Variants in SCYL2 observed in about 807,000 individuals in gnomAD.
SCYL2 encodes the protein SCY1-like protein 2.
A neutral mutation model predicts 100.4 loss-of-function variants in SCYL2; 36 were observed. The ratio of observed to expected loss-of-function variants is 0.36; its 90% CI spans 0.27 to 0.47. The LOEUF (loss-of-function observed/expected upper bound fraction) is 0.47, where lower values mean the gene tolerates loss of function less well. SCYL2 is among the 20% of genes least tolerant of loss of function. The pLI is 1.00. For synonymous variants in SCYL2, 330 were observed against 359.2 expected, an observed-to-expected ratio of 0.92 and a Z score of 0.92; for missense variants, 902 against 1,083.9, an observed-to-expected ratio of 0.83 and a Z score of 2.36.
Position 100,338,776 on chromosome 12 carries a change from A to C in SCYL2, c.2394A>C (p.Pro798=). ...CAAACCAGAACTTCTACAGTAGTCC[A>C]AGCACAGTTGGAGTGACCAAGATGA... The part of the protein sequence containing the change: ...VNTNQNFYSS[P]STVGVTKMTL... Residue 798 remains proline (P), a synonymous_variant, in exon 18 of 18, where the codon CCA becomes CCC. Coordinates refer to ENST00000360820, the MANE Select transcript of SCYL2 (RefSeq NM_017988.6). The C allele has an allele frequency of 6.2e-7, 1 of 1,614,160 alleles. No homozygotes were observed. The highest frequency in any genetic ancestry group is 8.5e-7 in the Non-Finnish European group (1 of 1,180,002).
At chr12:100,333,986 G>T in intron 13 of SCYL2, 180 bp from the exon 14 acceptor site, 2 of 480,880 alleles carry the variant, frequency 4.2e-6, no homozygotes, top group East Asian at 7.1e-5. Context: ...TATTATAAAA[G>T]CTTGCTATGA....
At chr12:100,277,735 C>T (rs118040334) in intron 1 of SCYL2, among the ~76,000 whole-genome samples, 1,816 of 152,142 alleles carry the variant, frequency 0.012, 14 homozygotes, top group Non-Finnish European at 0.019. Flanking sequence ...TTAAGTCAAC[C>T]ATCTTGCTAT....
chr12:100,315,843 A>G (rs888034573), intron 9 of SCYL2, 109 bp downstream of exon 9: 2 of 860,612 alleles, frequency 2.3e-6, no homozygotes, highest in Admixed American at 7.2e-5. Context: ...AGGTAAGTGT[A>G]TGAGACTTTC....
chr12:100,290,832 G>A (rs2096309717), intron 2 of SCYL2, among the ~76,000 whole-genome samples: 1 of 152,098 alleles, frequency 6.6e-6, no homozygotes. Context: ...TGTTAAGAGT[G>A]GGTAACTAGA....
rs1361431996 is a variant in SCYL2, at chr12:100,313,529, A to G, written c.960A>G (p.Gln320=). 5 of 1,568,222 alleles carry G rather than the reference A, an allele frequency of 3.2e-6. No homozygotes were observed. Among genetic ancestry groups the G allele is most frequent in the African/African-American group, 1.4e-5 (1 of 73,828 alleles). The change falls in exon 7 of 18, where the codon CAA becomes CAG. Residue 320 remains glutamine (Q), a synonymous_variant. Coordinates refer to ENST00000360820, the MANE Select transcript of SCYL2 (RefSeq NM_017988.6). ...CGACTGTAAGACCAGATGCAGATCA[A>G]ATGACAAAGGTGAGTACATGTGGAT... ...VTPTVRPDAD[Q]MTKIPFFDDV... is the part of the protein sequence containing the mutation.
At chr12:100,292,439 G>T (rs2096311685) in intron 3 of SCYL2, among the ~76,000 whole-genome samples, 1 of 152,096 alleles carries the variant, frequency 6.6e-6, no homozygotes, top group Non-Finnish European at 1.5e-5. Context: ...AACTGGCAGG[G>T]TTCCAGGCTG....
At chr12:100,314,682 C>T in intron 8 of SCYL2, 68 bp downstream of exon 8, 1 of 1,354,782 alleles carries the variant, frequency 7.4e-7, no homozygotes, top group Non-Finnish European at 1.0e-6. Context: ...TGACTTACTA[C>T]CATAACTCTT....
chr12:100,269,452 A>G (rs541968980), intron 1 of SCYL2, among the ~76,000 whole-genome samples: 1 of 152,250 alleles, frequency 6.6e-6, no homozygotes, highest in East Asian at 1.9e-4. Flanking sequence ...GTTTATTAAT[A>G]CTTAATAAAT....
chr12:100,326,242 T>C (rs1374996101), intron 11 of SCYL2, among the ~76,000 whole-genome samples: 1 of 152,144 alleles, frequency 6.6e-6, no homozygotes, highest in East Asian at 1.9e-4. Context: ...GGAATGTGGG[T>C]GAAAATGATC....
chr12:100,295,249 G>C (rs1170116832), intron 3 of SCYL2, among the ~76,000 whole-genome samples: 1 of 148,668 alleles, frequency 6.7e-6, no homozygotes, highest in Admixed American at 6.7e-5. Flanking sequence ...TCACATCCCA[G>C]ACGATGGGCG....
chr12:100,333,099 G>A (rs1465872493), intron 13 of SCYL2, among the ~76,000 whole-genome samples: 1 of 148,874 alleles, frequency 6.7e-6, no homozygotes, highest in Non-Finnish European at 1.5e-5. Flanking sequence ...TTTTGTCTGT[G>A]CACTTTGACA....
intron 1 of SCYL2, among the ~76,000 whole-genome samples, chr12:100,270,321 G>A (rs958978943): frequency 7.9e-5 from 12 of 152,114 alleles, no homozygotes; most frequent in African/African-American, 2.9e-4. Flanking sequence ...AGGAAGAACT[G>A]TAGACTTTAA....
intron 3 of SCYL2, among the ~76,000 whole-genome samples, chr12:100,296,074 T>C (rs2096320061): frequency 6.6e-6 from 1 of 152,244 alleles, no homozygotes; most frequent in Non-Finnish European, 1.5e-5. Context: ...CTATCAGTTA[T>C]ACTTTTCTGT....
chr12:100,325,758 A>C (rs2096361028), intron 11 of SCYL2, among the ~76,000 whole-genome samples: 1 of 152,138 alleles, frequency 6.6e-6, no homozygotes, highest in African/African-American at 2.4e-5. Flanking sequence ...TAAAATATAT[A>C]TATATCTCAG....
intron 2 of SCYL2, among the ~76,000 whole-genome samples, chr12:100,286,695 T>G (rs1375462275): frequency 1.3e-5 from 2 of 152,068 alleles, no homozygotes; most frequent in Non-Finnish European, 2.9e-5. Context: ...AATCCCTTCC[T>G]TACTACAAAA....
At chr12:100,312,334 T>C in intron 5 of SCYL2, 98 bp from the exon 6 acceptor site, 1 of 917,610 alleles carries the variant, frequency 1.1e-6, no homozygotes, top group Non-Finnish European at 1.7e-6. Context: ...GCATTTTTAC[T>C]TGCATGACCG....
At position 100,283,164 on chromosome 12, in the gene SCYL2, C is replaced by A; in HGVS notation, c.177+17C>A. ...ACAAAGCAGGTGAGTTTTAATTCAGCATCCACTTGGAAAAAACCCACATGC... is the reference window on the plus strand; with the variant it reads ...ACAAAGCAGGTGAGTTTTAATTCAGAATCCACTTGGAAAAAACCCACATGC... On this transcript the variant is annotated intron_variant, in intron 2 of 17. Transcript: ENST00000360820. 6.4e-7 allele frequency: 1 copy of A among 1,568,188 alleles called. No homozygotes were observed. Among genetic ancestry groups the A allele is most frequent in the Admixed American group, 1.9e-5 (1 of 51,372 alleles).
chr12:100,332,688 T>C (rs1952225198), intron 13 of SCYL2, among the ~76,000 whole-genome samples: 1 of 151,642 alleles, frequency 6.6e-6, no homozygotes, highest in South Asian at 2.1e-4. Context: ...ATGTTGACAA[T>C]GATTTTGCTT....
rs747038847 is a variant in SCYL2, at chr12:100,323,637, C to A, written c.1508C>A (p.Ala503Glu). ...KNACLQTSSL[A>E]VRVNSLVCLG... ...GCTTGTCTACAAACATCTTCCCTTG[C>A]GGTAAGTAATTGCATATTAATTTTT... Residue 503 changes from alanine to glutamate, a missense_variant and splice_region_variant, in exon 11 of 18, where the codon GCG (alanine) becomes GAG (glutamate). Transcript: ENST00000360820. 3.9e-5 allele frequency: 59 copies of A among 1,530,956 alleles called. No homozygotes were observed. The highest frequency in any genetic ancestry group is 4.6e-5 in the Non-Finnish European group (52 of 1,118,408). 94.8% of individuals were successfully genotyped at this position (1,530,956 alleles called of 1,614,324 possible).
Sources: gnomAD v4.1 joint callset for allele counts (sites outside exome capture counted in the v4.1 genomes callset) on GRCh38, gnomAD v4.1.1 for gene constraint, MANE v1.5 for transcripts, NCBI Gene and HGNC (gene_info 2026-07-23, HGNC 2026-07-21) for gene names.